The following C12orf42 variants were observed in gnomAD, a reference collection of about 807,000 sequenced individuals.
C12orf42 encodes the protein uncharacterized protein C12orf42.
In C12orf42, 25 loss-of-function variants were observed where a neutral mutation model predicts 21.6. The observed-to-expected ratio is 1.16, with a 90% confidence interval of 0.84 to 1.62. The LOEUF (loss-of-function observed/expected upper bound fraction) is 1.62. C12orf42 is among the 40% of genes most tolerant of loss of function. The pLI, the probability that C12orf42 is intolerant of heterozygous loss-of-function variation, is 0.00. For synonymous variants in C12orf42, 174 were observed against 175.0 expected, an observed-to-expected ratio of 0.99 and a Z score of 0.05; for missense variants, 483 against 459.3, an observed-to-expected ratio of 1.05 and a Z score of -0.47.
chr12:103,239,096 T>C (rs17033601), intron 10 of C12orf42, among the ~76,000 whole-genome samples: 29,048 of 152,074 alleles, frequency 0.19, 2,904 homozygotes, highest in East Asian at 0.35. Context: ...ATGGGGAGTT[T>C]TTGTAAGGCT....
chr12:103,218,010 G>T, the C12orf42 span, among the ~76,000 whole-genome samples: 1 of 152,086 alleles, frequency 6.6e-6, no homozygotes, highest in Non-Finnish European at 1.5e-5. Flanking sequence ...GGCCAGGCAC[G>T]GTGGCTCACG....
the C12orf42 span, among the ~76,000 whole-genome samples, chr12:103,181,181 G>A: frequency 6.6e-6 from 1 of 151,988 alleles, no homozygotes; most frequent in Non-Finnish European, 1.5e-5. Context: ...AGAATCATTT[G>A]AACCCAGGAG....
chr12:103,118,170 G>T, the C12orf42 span, among the ~76,000 whole-genome samples: 9 of 152,196 alleles, frequency 5.9e-5, no homozygotes, highest in Admixed American at 2.0e-4. Context: ...TCCTGTATGT[G>T]CCTGCCTTCC....
chr12:103,210,765 G>T, the C12orf42 span, among the ~76,000 whole-genome samples: 1 of 149,388 alleles, frequency 6.7e-6, no homozygotes, highest in Non-Finnish European at 1.5e-5. Context: ...CACTAATTCA[G>T]TCAGGGTATT....
chr12:103,085,025 G>T, the C12orf42 span, among the ~76,000 whole-genome samples: 4 of 152,172 alleles, frequency 2.6e-5, no homozygotes, highest in African/African-American at 9.6e-5. Flanking sequence ...CAATGTTGAA[G>T]AGTTGGTGGA....
At chr12:103,450,732 T>C (rs899236458) in intron 2 of C12orf42, among the ~76,000 whole-genome samples, 32 of 152,134 alleles carry the variant, frequency 2.1e-4, no homozygotes, top group Middle Eastern at 3.2e-3. Flanking sequence ...GGTTCTACCA[T>C]GAATCTTGGC....
chr12:103,538,505 T>C, the C12orf42 span, among the ~76,000 whole-genome samples: 1,721 of 152,332 alleles, frequency 0.011, 34 homozygotes, highest in African/African-American at 0.039. Context: ...TGAGAGGCCC[T>C]GGCACAAAAT....
At chr12:103,294,583 G>GGAAAGAAAAA (rs1555246033) in intron 4 of C12orf42, among the ~76,000 whole-genome samples, 9 of 80,280 alleles carry the variant, frequency 1.1e-4, no homozygotes, top group Non-Finnish European at 1.9e-4. Context: ...AAGGAAGGAA[G>GGAAAGAAAAA]GAAAGAAAGA....
chr12:103,479,888 G>A (rs1954340368), intron 1 of C12orf42, among the ~76,000 whole-genome samples: 1 of 151,990 alleles, frequency 6.6e-6, no homozygotes, highest in South Asian at 2.1e-4. Flanking sequence ...ATGATCACAA[G>A]TGAAATTGCC....
chr12:103,427,296 A>C (rs1337505001), intron 2 of C12orf42, among the ~76,000 whole-genome samples: 2 of 19,762 alleles, frequency 1.0e-4, no homozygotes, highest in Non-Finnish European at 1.8e-4. Flanking sequence ...AAAAAAAAAG[A>C]AAAAAAAAAA....
At chr12:103,199,173 C>T in the C12orf42 span, among the ~76,000 whole-genome samples, 1 of 152,110 alleles carries the variant, frequency 6.6e-6, no homozygotes, top group Non-Finnish European at 1.5e-5. Flanking sequence ...ATATGGTCAA[C>T]TGATGTTTCA....
upstream of C12orf42, among the ~76,000 whole-genome samples, chr12:103,498,382 A>G (rs1225020335): frequency 6.6e-6 from 1 of 152,268 alleles, no homozygotes; most frequent in Non-Finnish European, 1.5e-5. Flanking sequence ...ACAAATGAAT[A>G]CTGCATTTTC....
Position 103,479,395 on chromosome 12 carries a change from A to G in C12orf42, c.-21-948T>C, listed in dbSNP as rs1276912202. On this transcript the variant is annotated intron_variant, in intron 1 of 5. Transcript: ENST00000548883. ...AAAAAGAAAAGAAGACTAGGTGTGG[A>G]GTTGCAAAAAATAAGAGGAGGTGAT... 2.6e-5 allele frequency among the ~76,000 whole-genome samples: 4 copies of G among 152,072 alleles called. No homozygotes were observed. In the East Asian group the frequency reaches 5.8e-4, roughly 22 times the overall value.
At chr12:103,405,701 C>A (rs1006395537) in intron 2 of C12orf42, among the ~76,000 whole-genome samples, 1 of 152,176 alleles carries the variant, frequency 6.6e-6, no homozygotes, top group East Asian at 1.9e-4. Flanking sequence ...AAAGCAAATA[C>A]TTGCTTTGCC....
chr12:103,434,668 C>T (rs1950530400), intron 2 of C12orf42, among the ~76,000 whole-genome samples: 1 of 152,190 alleles, frequency 6.6e-6, no homozygotes, highest in Admixed American at 6.5e-5. Flanking sequence ...GGGTCACTCC[C>T]ACCCGAATAT....
the C12orf42 span, among the ~76,000 whole-genome samples, chr12:103,533,924 T>G: frequency 6.6e-6 from 1 of 152,350 alleles, no homozygotes; most frequent in Middle Eastern, 3.4e-3. Flanking sequence ...TGGGCAAGTC[T>G]TAATTTCTCT....
At chr12:103,205,197 T>A in the C12orf42 span, among the ~76,000 whole-genome samples, 1 of 152,176 alleles carries the variant, frequency 6.6e-6, no homozygotes, top group Admixed American at 6.5e-5. Flanking sequence ...AGCTGTTCGA[T>A]GTTATCTTGG....
At chr12:103,335,641 G>T (rs1437809137) in intron 4 of C12orf42, among the ~76,000 whole-genome samples, 1 of 152,164 alleles carries the variant, frequency 6.6e-6, no homozygotes, top group Non-Finnish European at 1.5e-5. Flanking sequence ...GAGAAAAAGA[G>T]ACAGGCAATT....
chr12:103,078,438 G>C, the C12orf42 span, among the ~76,000 whole-genome samples: 1 of 152,122 alleles, frequency 6.6e-6, no homozygotes, highest in Non-Finnish European at 1.5e-5. Context: ...TACACAAGGG[G>C]GATATGATGT....
Sources: gnomAD v4.1 joint callset for allele counts (sites outside exome capture counted in the v4.1 genomes callset) on GRCh38, gnomAD v4.1.1 for gene constraint, MANE v1.5 for transcripts, NCBI Gene and HGNC (gene_info 2026-07-23, HGNC 2026-07-21) for gene names.